IER3IP1: variants seen among roughly 807,000 people sequenced by gnomAD.
The protein encoded by IER3IP1 is immediate early response 3-interacting protein 1.
In IER3IP1, 16 loss-of-function variants were observed where a neutral mutation model predicts 12.2. That is an observed-to-expected ratio of 1.31 (90% CI 0.89 to 1.99). The LOEUF is 1.99. IER3IP1 is among the 30% of genes most tolerant of loss of function. IER3IP1 has a pLI of 0.00. For synonymous variants in IER3IP1, 42 were observed against 40.0 expected (o/e 1.05, Z -0.19); for missense variants, 95 against 95.8 (o/e 0.99, Z 0.03).
chr18:47,163,837 G>A (rs908080773), intron 1 of IER3IP1, among the ~76,000 whole-genome samples: 1 of 152,128 alleles, frequency 6.6e-6, no homozygotes, highest in Non-Finnish European at 1.5e-5. Context: ...TGAGGGCTAG[G>A]ATGAGTTCTG....
chr18:47,169,104 C>T (rs1297821719), intron 1 of IER3IP1, among the ~76,000 whole-genome samples: 2 of 152,200 alleles, frequency 1.3e-5, no homozygotes, highest in Admixed American at 1.3e-4. Flanking sequence ...CACCAAGCAA[C>T]CACTAATCTA....
intron 1 of IER3IP1, among the ~76,000 whole-genome samples, chr18:47,164,792 AAGAG>A (rs146375530): frequency 1.9e-3 from 259 of 133,548 alleles, no homozygotes; most frequent in African/African-American, 6.3e-3. Flanking sequence ...AAAAAAAAAC[AAGAG>A]AGAGAGAGAG....
chr18:47,166,920 G>T (rs1310143686), intron 1 of IER3IP1, among the ~76,000 whole-genome samples: 1 of 152,000 alleles, frequency 6.6e-6, no homozygotes. Flanking sequence ...CCCTTAATTT[G>T]GAGACCACAT....
At chr18:47,164,552 A>G (rs928148070) in intron 1 of IER3IP1, among the ~76,000 whole-genome samples, 6 of 151,796 alleles carry the variant, frequency 4.0e-5, no homozygotes, top group African/African-American at 1.5e-4. Flanking sequence ...CACACCTACA[A>G]TTCCAGCACT....
chr18:47,171,363 A>C (rs1258696630), intron 1 of IER3IP1, among the ~76,000 whole-genome samples: 1 of 152,150 alleles, frequency 6.6e-6, no homozygotes, highest in Non-Finnish European at 1.5e-5. Context: ...TCTGGTTTTC[A>C]TATTAGGTTA....
chr18:47,170,209 T>C (rs915413215), intron 1 of IER3IP1, among the ~76,000 whole-genome samples: 3 of 152,168 alleles, frequency 2.0e-5, no homozygotes, highest in Non-Finnish European at 4.4e-5. Context: ...TGAAAATCAA[T>C]TGATATAAAT....
chr18:47,172,768 GA>G lies in IER3IP1; in HGVS notation c.91+3418del, dbSNP rs1336391270. 6.6e-6 allele frequency among the ~76,000 whole-genome samples: 1 copy of G among 152,212 alleles called. No individual in the cohort carries two copies. The highest frequency in any genetic ancestry group is 1.5e-5 in the Non-Finnish European group (1 of 68,042). On this transcript the variant is annotated intron_variant, in intron 1 of 2. Coordinates refer to ENST00000256433, the MANE Select transcript of IER3IP1 (RefSeq NM_016097.5). The surrounding 1 kb of genome is among the most constrained non-coding windows in gnomAD (Gnocchi z 4.0). ...AAGTGTGGAAAGACAAACCACAGATGAGGGGGGACTACTGTACTAAGCTACT... is the reference window on the plus strand; with the variant it reads ...AAGTGTGGAAAGACAAACCACAGATGGGGGGGACTACTGTACTAAGCTACT...
In IER3IP1 at chr18:47,156,211, G is replaced by A. The variant is rs200201845; in HGVS notation, c.215C>T (p.Ser72Leu). 2.8e-5 allele frequency: 44 copies of A among 1,570,070 alleles called. No homozygotes were observed. Among genetic ancestry groups the A allele is most frequent in the Non-Finnish European group, 3.9e-5 (44 of 1,141,540 alleles). Residue 72 changes from serine (S) to leucine (L), a missense_variant, in exon 3 of 3, where the codon TCA becomes TTA. Transcript: ENST00000256433. ...VMRVPLIIVN[S>L]IAIVLLLLFG ...TAATAAAAGTAACACAATTGCAATT[G>A]AGTTTACTATTATCAATGGCACTGT...
chr18:47,157,230 T>C (rs149883596), intron 2 of IER3IP1: 110 of 600,506 alleles, frequency 1.8e-4, no homozygotes, highest in African/African-American at 1.8e-3. Flanking sequence ...CTAAGCATTC[T>C]ATTTGTACCA....
At chr18:47,170,065 TAC>T (rs1258104211) in intron 1 of IER3IP1, among the ~76,000 whole-genome samples, 1 of 152,202 alleles carries the variant, frequency 6.6e-6, no homozygotes, top group Admixed American at 6.5e-5. Flanking sequence ...CTTTTTATCT[TAC>T]AGTTTGTAAG....
At position 47,154,956 on chromosome 18, in the gene IER3IP1, G is replaced by C. The variant is rs1258882445; in HGVS notation, c.*1221C>G. On this transcript the variant is annotated 3_prime_UTR_variant, in exon 3 of 3. Coordinates refer to ENST00000256433, the MANE Select transcript of IER3IP1 (RefSeq NM_016097.5). Reference sequence around the variant, plus strand: ...CTATACTCGGCAATTTTACAGCAAAGAACATATAATAAGAGGTGTTCACCC... The same window carrying C: ...CTATACTCGGCAATTTTACAGCAAACAACATATAATAAGAGGTGTTCACCC... 1 of 152,208 alleles carries C rather than the reference G, an allele frequency of 6.6e-6. No individual in the cohort carries two copies. The highest frequency in any genetic ancestry group is 1.9e-4 in the East Asian group (1 of 5,188). 9.4% of individuals were successfully genotyped at this position (152,208 alleles called of 1,614,324 possible). A position where few individuals can be genotyped will look rare whatever the true frequency, so the allele number is the denominator to read the frequency against.
At chr18:47,159,548 G>A (rs1599994087) in intron 1 of IER3IP1, among the ~76,000 whole-genome samples, 1 of 152,150 alleles carries the variant, frequency 6.6e-6, no homozygotes, top group Non-Finnish European at 1.5e-5. Context: ...ATGATGTAAA[G>A]ATGAAATACA....
At chr18:47,167,297 C>T (rs548606999) in intron 1 of IER3IP1, among the ~76,000 whole-genome samples, 4 of 152,178 alleles carry the variant, frequency 2.6e-5, no homozygotes, top group East Asian at 1.9e-4. Flanking sequence ...ATGATCTGCC[C>T]GCCTCAGCCT....
intron 1 of IER3IP1, among the ~76,000 whole-genome samples, chr18:47,174,117 A>C (rs986041330): frequency 2.0e-5 from 3 of 152,234 alleles, no homozygotes; most frequent in Non-Finnish European, 4.4e-5. Context: ...TCAAACCCCA[A>C]CTTGATCCCT....
chr18:47,164,799 A>G (rs1298155442), intron 1 of IER3IP1, among the ~76,000 whole-genome samples: 2 of 150,512 alleles, frequency 1.3e-5, no homozygotes, highest in Non-Finnish European at 3.0e-5. Context: ...AACAAGAGAG[A>G]GAGAGAGAGA....
At chr18:47,173,684 A>C (rs533262513) in intron 1 of IER3IP1, among the ~76,000 whole-genome samples, 6 of 152,316 alleles carry the variant, frequency 3.9e-5, no homozygotes, top group African/African-American at 1.2e-4. Flanking sequence ...TAGGGCTGCC[A>C]TAACAAAGCA....
chr18:47,167,426 G>A (rs1232314475), intron 1 of IER3IP1, among the ~76,000 whole-genome samples: 1 of 152,138 alleles, frequency 6.6e-6, no homozygotes, highest in African/African-American at 2.4e-5. Flanking sequence ...ACACACTACT[G>A]AACTTCACTT....
intron 1 of IER3IP1, among the ~76,000 whole-genome samples, chr18:47,168,639 C>T (rs1040620876): frequency 1.3e-5 from 2 of 152,142 alleles, no homozygotes; most frequent in African/African-American, 4.8e-5. Flanking sequence ...TATATGAATA[C>T]AATTTAGTCA....
intron 2 of IER3IP1, among the ~76,000 whole-genome samples, chr18:47,156,586 A>G (rs942422736): frequency 6.6e-6 from 1 of 152,186 alleles, no homozygotes; most frequent in Non-Finnish European, 1.5e-5. Context: ...TATAGTGCAT[A>G]GAAGATTCTG....
Sources: allele counts gnomAD v4.1 joint callset (sites outside exome capture counted in the v4.1 genomes callset), GRCh38; gene constraint gnomAD v4.1.1; non-coding constraint Gnocchi (gnomAD v3.1); transcripts MANE v1.5; gene names NCBI Gene and HGNC (gene_info 2026-07-23, HGNC 2026-07-21).